The following IGSF11 variants were observed in gnomAD, a reference collection of about 807,000 sequenced individuals.
IGSF11 encodes CXADR like 1.
In IGSF11, 22 loss-of-function variants were observed where a neutral mutation model predicts 41.0. That is an observed-to-expected ratio of 0.54 (90% confidence interval 0.38 to 0.77). The LOEUF is 0.77. Ranked by LOEUF, IGSF11 falls within the 30% of genes least tolerant of loss-of-function variation. The pLI, the probability that IGSF11 is intolerant of heterozygous loss-of-function variation, is 0.00. For synonymous variants in IGSF11, 219 were observed against 201.3 expected (o/e 1.09, Z -0.74); for missense variants, 444 against 530.8 (o/e 0.84, Z 1.61).
chr3:119,116,961 G>T (rs891622097), intron 1 of IGSF11, among the ~76,000 whole-genome samples: 2 of 151,942 alleles, frequency 1.3e-5, no homozygotes, highest in African/African-American at 4.8e-5. Flanking sequence ...TCAGCAGCAA[G>T]CACCTGGTAC....
intron 1 of IGSF11, among the ~76,000 whole-genome samples, chr3:119,091,867 T>TA (rs397945939): frequency 6.6e-6 from 1 of 151,234 alleles, no homozygotes; most frequent in South Asian, 2.1e-4. Flanking sequence ...AATTTTTTTT[T>TA]AAATAGGAAA....
At chr3:119,042,787 T>G (rs373301054) in intron 1 of IGSF11, among the ~76,000 whole-genome samples, 10 of 152,088 alleles carry the variant, frequency 6.6e-5, no homozygotes, top group African/African-American at 2.4e-4. Flanking sequence ...TAGGGCAAGA[T>G]TATATACCCC....
At chr3:118,978,387 C>T (rs1335692861) in intron 1 of IGSF11, among the ~76,000 whole-genome samples, 1 of 152,166 alleles carries the variant, frequency 6.6e-6, no homozygotes, top group Non-Finnish European at 1.5e-5. Flanking sequence ...ATTGCTCATG[C>T]CACATCCACT....
chr3:119,066,724 C>T (rs1256043229), intron 1 of IGSF11, among the ~76,000 whole-genome samples: 3 of 152,170 alleles, frequency 2.0e-5, no homozygotes, highest in Non-Finnish European at 4.4e-5. Context: ...GTTTGCTATA[C>T]TCCAGTTTGT....
At chr3:118,922,757 A>C (rs1941935888) in intron 4 of IGSF11, among the ~76,000 whole-genome samples, 1 of 152,068 alleles carries the variant, frequency 6.6e-6, no homozygotes, top group Admixed American at 6.6e-5. Flanking sequence ...GGGAGCTCCA[A>C]GATTAAGACC....
At chr3:119,011,847 G>T (rs1445553293) in intron 1 of IGSF11, among the ~76,000 whole-genome samples, 1 of 152,018 alleles carries the variant, frequency 6.6e-6, no homozygotes, top group Non-Finnish European at 1.5e-5. Context: ...CATTCAAAAT[G>T]TTGAACATAT....
chr3:118,973,082 C>A (rs951129535), intron 1 of IGSF11, among the ~76,000 whole-genome samples: 8 of 152,218 alleles, frequency 5.3e-5, no homozygotes, highest in Non-Finnish European at 7.3e-5. Flanking sequence ...GTCTCTCATT[C>A]CCACTGTTTT....
At chr3:119,114,495 TG>T (rs1257232189) in intron 1 of IGSF11, among the ~76,000 whole-genome samples, 1 of 152,216 alleles carries the variant, frequency 6.6e-6, no homozygotes, top group African/African-American at 2.4e-5. Flanking sequence ...AGAGGCACAA[TG>T]CCTCCAACCT....
intron 1 of IGSF11, among the ~76,000 whole-genome samples, chr3:119,029,831 T>C (rs1940232107): frequency 6.6e-6 from 1 of 152,226 alleles, no homozygotes; most frequent in South Asian, 2.1e-4. Context: ...AGCCTACAAG[T>C]GGCCCCAATA....
At chr3:118,908,416 T>C (rs1409270110) in intron 4 of IGSF11, among the ~76,000 whole-genome samples, 1 of 152,128 alleles carries the variant, frequency 6.6e-6, no homozygotes, top group Non-Finnish European at 1.5e-5. Context: ...AAAACAGCCC[T>C]GTTTATGTGA....
chr3:118,926,320 G>C, intron 3 of IGSF11, 64 bp from the exon 4 acceptor site: 4 of 1,301,440 alleles, frequency 3.1e-6, no homozygotes, highest in Non-Finnish European at 4.3e-6. Flanking sequence ...TGATGGAGGA[G>C]ACATCAACAT....
At chr3:118,992,391 C>T (rs1221841402) in intron 1 of IGSF11, among the ~76,000 whole-genome samples, 1 of 152,228 alleles carries the variant, frequency 6.6e-6, no homozygotes, top group Non-Finnish European at 1.5e-5. Flanking sequence ...TCCAAGATTT[C>T]AGCACATAGT....
At chr3:119,039,764 G>A (rs1218158587), upstream of IGSF11, among the ~76,000 whole-genome samples, 2 of 152,118 alleles carry the variant, frequency 1.3e-5, no homozygotes, top group Admixed American at 6.5e-5. Context: ...CTTTCCCTAC[G>A]TTTTTGTATA....
chr3:119,038,449 A>G (rs1940994465), upstream of IGSF11, among the ~76,000 whole-genome samples: 1 of 152,198 alleles, frequency 6.6e-6, no homozygotes, highest in Non-Finnish European at 1.5e-5. Flanking sequence ...ACTGTTGTGA[A>G]TATTGTCAAA....
intron 1 of IGSF11, among the ~76,000 whole-genome samples, chr3:118,990,077 G>T (rs1293974667): frequency 6.6e-6 from 1 of 152,168 alleles, no homozygotes; most frequent in Non-Finnish European, 1.5e-5. Flanking sequence ...CAGAAAGTTA[G>T]GTTACAAAGA....
At chr3:119,092,946 T>G (rs2076788771) in intron 1 of IGSF11, among the ~76,000 whole-genome samples, 1 of 152,214 alleles carries the variant, frequency 6.6e-6, no homozygotes. Flanking sequence ...CATCTAGGTT[T>G]GTGTGAGCAT....
chr3:118,917,446 A>G (rs928503679), intron 4 of IGSF11, among the ~76,000 whole-genome samples: 6 of 147,416 alleles, frequency 4.1e-5, no homozygotes, highest in Non-Finnish European at 8.9e-5. Flanking sequence ...TCCCACAGAA[A>G]TACAAACTAC....
intron 1 of IGSF11, among the ~76,000 whole-genome samples, chr3:119,003,887 G>A (rs1316244243): frequency 1.0e-4 from 15 of 148,312 alleles, no homozygotes; most frequent in African/African-American, 2.8e-4. Flanking sequence ...GAGGATTTTT[G>A]CATCGATATT....
chr3:118,928,965 T>C (rs1191269267), intron 2 of IGSF11, among the ~76,000 whole-genome samples: 1 of 152,178 alleles, frequency 6.6e-6, no homozygotes, highest in Non-Finnish European at 1.5e-5. Context: ...AAAAAAGTCT[T>C]TGCTGCTGCC....
Sources: allele counts gnomAD v4.1 joint callset (sites outside exome capture counted in the v4.1 genomes callset), GRCh38; gene constraint gnomAD v4.1.1; transcripts MANE v1.5; gene names NCBI Gene and HGNC (gene_info 2026-07-23, HGNC 2026-07-21).